The following MAMLD1 variants were observed in gnomAD, a reference collection of about 807,000 sequenced individuals.
MAMLD1 encodes mastermind-like domain-containing protein 1.
A neutral mutation model predicts 45.0 loss-of-function variants in MAMLD1; 14 were observed. The observed-to-expected ratio is 0.31, with a 90% CI of 0.21 to 0.49. MAMLD1 has a LOEUF of 0.49. MAMLD1 is among the 20% of genes least tolerant of loss of function. The probability of loss-of-function intolerance (pLI) is 0.99; values close to 1 mark genes in which losing one functional copy is unlikely to be tolerated. For synonymous variants in MAMLD1, 254 were observed against 247.8 expected (o/e 1.02, Z -0.24); for missense variants, 543 against 603.6 (o/e 0.90, Z 1.05).
chrX:150,413,553 C>T (rs1399428770), intron 1 of MAMLD1, among the ~76,000 whole-genome samples: 1 of 110,303 alleles, frequency 9.1e-6, no homozygotes, highest in Non-Finnish European at 1.9e-5. Flanking sequence ...GAAGGCTCAT[C>T]ACACCAAGAA....
rs2037926835 is a variant in MAMLD1 at position 150,512,375 on chromosome X, C to G, written c.*416C>G. 2.1e-5 allele frequency: 24 copies of G among 1,141,407 alleles called. No individual in the cohort carries two copies. The highest frequency in any genetic ancestry group is 2.8e-5 in the Non-Finnish European group (24 of 863,141). 94.1% of individuals were successfully genotyped at this position (1,141,407 alleles called of 1,213,427 possible). ...CTTGAGTCCCCACCAGCTCAGACGGCCTAGTGTGCCAAGAATGCCCACTGC... is the reference window on the plus strand; with the variant it reads ...CTTGAGTCCCCACCAGCTCAGACGGGCTAGTGTGCCAAGAATGCCCACTGC... On this transcript the variant is annotated 3_prime_UTR_variant, in exon 8 of 8. Coordinates refer to ENST00000370401, the MANE Select transcript of MAMLD1 (RefSeq NM_005491.5).
intron 5 of MAMLD1, among the ~76,000 whole-genome samples, chrX:150,502,348 G>C (rs782674428): frequency 4.3e-4 from 48 of 112,051 alleles, no homozygotes; most frequent in Non-Finnish European, 7.5e-4. Flanking sequence ...GAGAGTAGAG[G>C]TGTTCCTTCA....
Position 150,473,802 on chromosome X carries a change from T to A in MAMLD1, c.2040T>A (p.Ile680=), listed in dbSNP as rs1368108943. The A allele has an allele frequency of 3.3e-6, 4 of 1,209,165 alleles. No individual in the cohort carries two copies. Among genetic ancestry groups the A allele is most frequent in the Admixed American group, 2.2e-5 (1 of 45,905 alleles). ...CTGGAGACGTGTCACCGTCTAACAT[T>A]GTGAGCCTTTCTGTTTTGTTTTGTC... ...PQPGDVSPSN[I]THVDKACKLG... is the part of the protein sequence containing the mutation. The change falls in exon 5 of 8, where the codon ATT becomes ATA. Residue 680 remains isoleucine, a splice_region_variant and synonymous_variant. Coordinates refer to ENST00000370401, the MANE Select transcript of MAMLD1 (RefSeq NM_005491.5).
At chrX:150,456,064 C>T (rs1422734862) in intron 2 of MAMLD1, among the ~76,000 whole-genome samples, 1 of 111,464 alleles carries the variant, frequency 9.0e-6, no homozygotes, top group African/African-American at 3.3e-5. Context: ...GTCAAAATAT[C>T]GTGGCTGAAA....
intron 1 of MAMLD1, among the ~76,000 whole-genome samples, chrX:150,422,353 C>T (rs1191247018): frequency 7.1e-5 from 8 of 112,312 alleles, no homozygotes; most frequent in Non-Finnish European, 1.3e-4. Context: ...CTTTTGCTAG[C>T]ATATGTTCCT....
At chrX:150,415,310 A>G (rs904053051) in intron 1 of MAMLD1, among the ~76,000 whole-genome samples, 2 of 113,018 alleles carry the variant, frequency 1.8e-5, no homozygotes, top group African/African-American at 6.4e-5. Flanking sequence ...TTAAACGAAT[A>G]TAAAATGAAT....
At chrX:150,366,070 C>G (rs1315275607) in intron 1 of MAMLD1, among the ~76,000 whole-genome samples, 1 of 112,006 alleles carries the variant, frequency 8.9e-6, no homozygotes, top group Non-Finnish European at 1.9e-5. Flanking sequence ...GAAGGGAATA[C>G]TGAAAAGAAA....
intron 6 of MAMLD1, among the ~76,000 whole-genome samples, chrX:150,505,488 A>T (rs1190555875): frequency 8.9e-6 from 1 of 112,395 alleles, no homozygotes; most frequent in Admixed American, 9.3e-5. Context: ...ACTGAGTGAC[A>T]GAGGGACTGA....
intron 1 of MAMLD1, among the ~76,000 whole-genome samples, chrX:150,404,051 A>AAAGG (rs1557402599): frequency 5.7e-5 from 5 of 87,380 alleles, no homozygotes; most frequent in Non-Finnish European, 9.4e-5. Flanking sequence ...GGAAGGAAGG[A>AAAGG]AAGGAAGGAA....
chrX:150,484,575 C>G (rs781907097), intron 5 of MAMLD1, among the ~76,000 whole-genome samples: 129 of 112,620 alleles, frequency 1.1e-3, no homozygotes, highest in African/African-American at 4.0e-3. Context: ...TTCTGCCCAG[C>G]TTGTTCCACA....
chrX:150,504,040 A>T (rs2037649831), intron 6 of MAMLD1: 1 of 752,339 alleles, frequency 1.3e-6, no homozygotes, highest in African/African-American at 2.3e-5. Context: ...CACACCCTAG[A>T]GGCAGGAAGT....
chrX:150,403,994 AAG>A (rs1491265960), intron 1 of MAMLD1, among the ~76,000 whole-genome samples: 44 of 91,662 alleles, frequency 4.8e-4, no homozygotes, highest in African/African-American at 1.7e-3. Context: ...GAAAGAAAGA[AAG>A]AAGAAAGGAA....
intron 1 of MAMLD1, among the ~76,000 whole-genome samples, chrX:150,419,630 C>T (rs2034411430): frequency 9.8e-6 from 1 of 101,747 alleles, no homozygotes; most frequent in East Asian, 3.1e-4. Flanking sequence ...GTAAGGCAGG[C>T]CTGGTGGTGA....
At chrX:150,486,092 C>T (rs1436667447) in intron 5 of MAMLD1, among the ~76,000 whole-genome samples, 2 of 111,795 alleles carry the variant, frequency 1.8e-5, no homozygotes, top group Admixed American at 9.4e-5. Flanking sequence ...TAAAGTCCAG[C>T]GGTTGGGTGG....
At chrX:150,477,965 C>T (rs2036632718) in intron 5 of MAMLD1, among the ~76,000 whole-genome samples, 1 of 111,570 alleles carries the variant, frequency 9.0e-6, no homozygotes, top group Non-Finnish European at 1.9e-5. Flanking sequence ...TGAGGGGATA[C>T]CTCCCCTCTC....
intron 1 of MAMLD1, among the ~76,000 whole-genome samples, chrX:150,439,946 TAA>T (rs782014064): frequency 1.9e-5 from 2 of 104,118 alleles, no homozygotes; most frequent in African/African-American, 7.0e-5. Flanking sequence ...GACTCTGTCT[TAA>T]AAAAAAAAAA....
intron 1 of MAMLD1, among the ~76,000 whole-genome samples, chrX:150,440,319 C>G (rs1409333471): frequency 1.8e-5 from 2 of 108,248 alleles, no homozygotes; most frequent in Non-Finnish European, 3.8e-5. Flanking sequence ...TATTGGTCTG[C>G]AGGGTTTTTT....
rs181617532 is a variant in MAMLD1, at chrX:150,474,892, C to T, written c.2040+1090C>T. Among the ~76,000 whole-genome samples, 9 of 111,767 alleles carry T rather than the reference C, an allele frequency of 8.1e-5. No individual in the cohort carries two copies. In the East Asian group the frequency reaches 2.5e-3, roughly 31 times the overall value. ...TCTTCTTATGGCCTCTCCCTATTAACTCTAAGACCTAAGAACTCAGCCCTG... is the reference window on the plus strand; with the variant it reads ...TCTTCTTATGGCCTCTCCCTATTAATTCTAAGACCTAAGAACTCAGCCCTG... On this transcript the variant is annotated intron_variant, in intron 5 of 7. Transcript: ENST00000370401.
rs781858622 is a variant in MAMLD1, at chrX:150,512,848, C to T, written c.*889C>T. The T allele has an allele frequency of 1.6e-3, 1,862 of 1,154,292 alleles. 4 individuals are homozygous for T. The highest frequency in any genetic ancestry group is 1.5e-3 in the Non-Finnish European group (1,299 of 872,652). On this transcript the variant is annotated 3_prime_UTR_variant, in exon 8 of 8. Coordinates refer to ENST00000370401, the MANE Select transcript of MAMLD1 (RefSeq NM_005491.5). ...TTCCCCCTGAGCTGCCACCTGCCGA[C>T]TTTTTGCGCCAGCCCCAACCCCCAC...
Sources: allele counts gnomAD v4.1 joint callset (sites outside exome capture counted in the v4.1 genomes callset), GRCh38; gene constraint gnomAD v4.1.1; transcripts MANE v1.5; gene names NCBI Gene and HGNC (gene_info 2026-07-23, HGNC 2026-07-21).